The following PPP1R12B variants were observed in gnomAD, a reference collection of about 807,000 sequenced individuals.
PPP1R12B encodes protein phosphatase 1 regulatory subunit 12B, also known as myosin phosphatase target subunit 2.
A neutral mutation model predicts 126.1 loss-of-function variants in PPP1R12B; 76 were observed. The observed-to-expected ratio is 0.60, with a 90% CI of 0.50 to 0.73. The LOEUF (loss-of-function observed/expected upper bound fraction) is 0.73. PPP1R12B is among the 30% of genes least tolerant of loss of function. PPP1R12B has a pLI of 0.00. For synonymous variants in PPP1R12B, 356 were observed against 434.7 expected (o/e 0.82, Z 2.25); for missense variants, 1,052 against 1,205.1 (o/e 0.87, Z 1.88).
At chr1:202,540,245 A>G in intron 18 of PPP1R12B, 1 of 1,579,624 alleles carries the variant, frequency 6.3e-7, no homozygotes, top group Non-Finnish European at 8.7e-7. Context: ...GCTCCGAGTA[A>G]GCAGCATTTT....
intron 12 of PPP1R12B, among the ~76,000 whole-genome samples, chr1:202,446,875 A>G (rs943468560): frequency 1.1e-4 from 17 of 151,914 alleles, no homozygotes; most frequent in African/African-American, 4.1e-4. Context: ...TTCGCTCCAC[A>G]GTTCTTGCAT....
intron 10 of PPP1R12B, chr1:202,438,993 C>A: frequency 6.7e-7 from 1 of 1,482,974 alleles, no homozygotes; most frequent in Non-Finnish European, 9.4e-7. Flanking sequence ...ATGGCCCTGG[C>A]CAACCGGAAG....
intron 18 of PPP1R12B, among the ~76,000 whole-genome samples, chr1:202,532,602 G>A (rs558416970): frequency 4.6e-5 from 7 of 152,096 alleles, no homozygotes; most frequent in Non-Finnish European, 1.0e-4. Flanking sequence ...GAGCCTCATT[G>A]TACCTTCAGC....
intron 18 of PPP1R12B, among the ~76,000 whole-genome samples, chr1:202,506,050 G>T (rs1680766625): frequency 6.6e-6 from 1 of 152,176 alleles, no homozygotes; most frequent in Non-Finnish European, 1.5e-5. Flanking sequence ...AGAAAAGCAA[G>T]CTGTCCTGGA....
intron 18 of PPP1R12B, among the ~76,000 whole-genome samples, chr1:202,535,357 A>C (rs1230142270): frequency 2.0e-5 from 3 of 152,178 alleles, no homozygotes; most frequent in Non-Finnish European, 4.4e-5. Flanking sequence ...TTTAATTTAA[A>C]AAAATAAAAA....
At chr1:202,377,180 A>G (rs371696382) in intron 1 of PPP1R12B, among the ~76,000 whole-genome samples, 6 of 152,194 alleles carry the variant, frequency 3.9e-5, no homozygotes, top group African/African-American at 1.4e-4. Flanking sequence ...ACACTGGCTA[A>G]TTAGTGTAGA....
chr1:202,504,679 C>T (rs1347591482), intron 18 of PPP1R12B, among the ~76,000 whole-genome samples: 1 of 152,132 alleles, frequency 6.6e-6, no homozygotes, highest in African/African-American at 2.4e-5. Flanking sequence ...TCTGTTATAT[C>T]TCTTATATCA....
At chr1:202,522,875 GA>G (rs1682919250) in intron 18 of PPP1R12B, among the ~76,000 whole-genome samples, 1 of 152,102 alleles carries the variant, frequency 6.6e-6, no homozygotes, top group African/African-American at 2.4e-5. Context: ...AATGACTCTA[GA>G]TACTGAAAAT....
intron 8 of PPP1R12B, among the ~76,000 whole-genome samples, chr1:202,434,307 G>A (rs1670536957): frequency 6.6e-6 from 1 of 152,098 alleles, no homozygotes; most frequent in Admixed American, 6.5e-5. Context: ...GGGACCCAGT[G>A]GAAATTATCT....
At chr1:202,505,053 G>A (rs1198721877) in intron 18 of PPP1R12B, among the ~76,000 whole-genome samples, 1 of 152,186 alleles carries the variant, frequency 6.6e-6, no homozygotes, top group Non-Finnish European at 1.5e-5. Context: ...ATTATTTGGA[G>A]AGTCACAGAA....
rs549202021 is a variant in PPP1R12B at position 202,584,707 on chromosome 1, T to C, written c.*4147T>C. ...GAGAAGAGAGAACTATTTAAAAGTG[T>C]TGCCAGTTATTCAGCTTCCAGGCGG... On this transcript the variant is annotated 3_prime_UTR_variant, in exon 24 of 24. Transcript: ENST00000608999. 6.6e-6 allele frequency: 1 copy of C among 152,324 alleles called. No homozygotes were observed. The highest frequency in any genetic ancestry group is 1.5e-5 in the Non-Finnish European group (1 of 68,034). 9.4% of individuals were successfully genotyped at this position (152,324 alleles called of 1,614,324 possible).
chr1:202,411,709 G>A (rs1667419001), intron 1 of PPP1R12B, among the ~76,000 whole-genome samples: 1 of 152,046 alleles, frequency 6.6e-6, no homozygotes, highest in Non-Finnish European at 1.5e-5. Context: ...ACCTTATGAG[G>A]TAGGTGGTAC....
chr1:202,509,633 G>C (rs1572334868), intron 18 of PPP1R12B, among the ~76,000 whole-genome samples: 1 of 152,196 alleles, frequency 6.6e-6, no homozygotes, highest in African/African-American at 2.4e-5. Context: ...GTGCCTGTCA[G>C]AAGATTGTTA....
chr1:202,537,333 G>C (rs923557567), intron 18 of PPP1R12B, among the ~76,000 whole-genome samples: 7 of 150,720 alleles, frequency 4.6e-5, no homozygotes, highest in African/African-American at 1.7e-4. Context: ...CAGCCTGGGC[G>C]ACAGACTGAG....
In PPP1R12B at chr1:202,390,188, AGTGT is replaced by A. The variant is rs529496433; in HGVS notation, c.292-26598_292-26595del. Among the ~76,000 whole-genome samples the A allele has an allele frequency of 1.6e-4, 25 of 152,336 alleles. No homozygotes were observed. In the South Asian group the frequency reaches 5.2e-3, roughly 32 times the overall value. On this transcript the variant is annotated intron_variant, in intron 1 of 23. Coordinates refer to ENST00000608999, the MANE Select transcript of PPP1R12B (RefSeq NM_002481.4). ...TAAGACCATTCACTGGGGAAGGAAT[AGTGT>A]TTTCAACAAATGGTACAGGGGGCAG...
At chr1:202,434,207 T>C (rs970054170) in intron 8 of PPP1R12B, among the ~76,000 whole-genome samples, 6 of 152,210 alleles carry the variant, frequency 3.9e-5, no homozygotes, top group African/African-American at 1.2e-4. Context: ...AAATTGACAC[T>C]GTAGGAGGTT....
chr1:202,477,596 T>G (rs1489706916), intron 13 of PPP1R12B, among the ~76,000 whole-genome samples: 1 of 152,182 alleles, frequency 6.6e-6, no homozygotes, highest in East Asian at 1.9e-4. Flanking sequence ...TGAAACAGGC[T>G]CTCACTCTGT....
chr1:202,349,185 ATGAGCCTTTGACCC>A, intron 1 of PPP1R12B, 43 bp downstream of exon 1: 1 of 1,607,050 alleles, frequency 6.2e-7, no homozygotes, highest in Non-Finnish European at 8.5e-7. Context: ...TCTCCTACAG[ATGAGCCTTTGACCC>A]TGCGAGCCAC....
chr1:202,518,865 CTGAT>C (rs1249996555), intron 18 of PPP1R12B, among the ~76,000 whole-genome samples: 3 of 152,152 alleles, frequency 2.0e-5, no homozygotes, highest in Non-Finnish European at 4.4e-5. Context: ...TCTCTTTTGA[CTGAT>C]TGGCTATTTC....
Sources: gnomAD v4.1 joint callset for allele counts (sites outside exome capture counted in the v4.1 genomes callset) on GRCh38, gnomAD v4.1.1 for gene constraint, MANE v1.5 for transcripts, NCBI Gene and HGNC (gene_info 2026-07-23, HGNC 2026-07-21) for gene names.